FOCAD: variants seen among roughly 807,000 people sequenced by gnomAD.
The protein encoded by FOCAD is focadhesin.
A neutral mutation model predicts 225.6 loss-of-function variants in FOCAD; 198 were observed. The observed-to-expected ratio is 0.88, with a 90% CI of 0.78 to 0.99. The LOEUF (loss-of-function observed/expected upper bound fraction) is 0.99, where lower values mean the gene tolerates loss of function less well. Ranked by LOEUF, FOCAD falls within the 50% of genes least tolerant of loss-of-function variation. FOCAD has a pLI of 0.00. For missense variants in FOCAD, 2,713 were observed against 2,123.6 expected, an observed-to-expected ratio of 1.28 and a Z score of -5.46; for synonymous variants, 897 against 755.0, an observed-to-expected ratio of 1.19 and a Z score of -3.08.
chr9:20,818,243 T>A (rs1277405075), intron 11 of FOCAD, among the ~76,000 whole-genome samples: 1 of 152,146 alleles, frequency 6.6e-6, no homozygotes, highest in African/African-American at 2.4e-5. Context: ...AATTATTGGG[T>A]TTTAAGAGTT....
intron 15 of FOCAD, among the ~76,000 whole-genome samples, chr9:20,844,162 A>G (rs886182760): frequency 2.0e-5 from 3 of 152,098 alleles, no homozygotes; most frequent in South Asian, 2.1e-4. Flanking sequence ...AGCATTATTC[A>G]TAATGGCCCT....
At chr9:20,696,836 C>G (rs1823412019) in intron 1 of FOCAD, among the ~76,000 whole-genome samples, 1 of 151,752 alleles carries the variant, frequency 6.6e-6, no homozygotes, top group South Asian at 2.1e-4. Flanking sequence ...AATTAATTGC[C>G]ATCGTAACCG....
chr9:20,779,628 T>C (rs1225605084), intron 9 of FOCAD, among the ~76,000 whole-genome samples: 1 of 152,052 alleles, frequency 6.6e-6, no homozygotes, highest in African/African-American at 2.4e-5. Flanking sequence ...CGCATGCCTG[T>C]AATCCTAGCT....
intron 35 of FOCAD, among the ~76,000 whole-genome samples, chr9:20,972,359 T>G (rs183477334): frequency 6.6e-6 from 1 of 152,164 alleles, no homozygotes; most frequent in Admixed American, 6.5e-5. Context: ...GATATCTCAT[T>G]GTGGTTTTGA....
At chr9:20,924,627 T>A (rs1240717922) in intron 25 of FOCAD, among the ~76,000 whole-genome samples, 2 of 152,216 alleles carry the variant, frequency 1.3e-5, no homozygotes, top group Non-Finnish European at 2.9e-5. Flanking sequence ...TCTTATGGGC[T>A]ATCTGTATTC....
chr9:20,673,582 A>C (rs1431942334), intron 2 of FOCAD, among the ~76,000 whole-genome samples: 1 of 152,050 alleles, frequency 6.6e-6, no homozygotes, highest in Non-Finnish European at 1.5e-5. Flanking sequence ...TTTTTATTTA[A>C]TTATACTTAA....
At chr9:20,895,583 ATATT>A (rs534833733) in intron 21 of FOCAD, among the ~76,000 whole-genome samples, 6 of 151,774 alleles carry the variant, frequency 4.0e-5, no homozygotes, top group East Asian at 1.9e-4. Context: ...ATATATAGAT[ATATT>A]TATTTATGTA....
intron 21 of FOCAD, among the ~76,000 whole-genome samples, chr9:20,893,513 C>T (rs1831810204): frequency 6.6e-6 from 1 of 151,910 alleles, no homozygotes; most frequent in Non-Finnish European, 1.5e-5. Flanking sequence ...GTGAATAAGC[C>T]CTTATGTACT....
chr9:20,736,040 T>C (rs1200393010), intron 4 of FOCAD, among the ~76,000 whole-genome samples: 1 of 152,166 alleles, frequency 6.6e-6, no homozygotes, highest in African/African-American at 2.4e-5. Context: ...TTTACTCACT[T>C]TTTTGGGGGA....
At chr9:20,850,105 A>G (rs1185319118) in intron 15 of FOCAD, among the ~76,000 whole-genome samples, 2 of 151,674 alleles carry the variant, frequency 1.3e-5, no homozygotes, top group African/African-American at 4.8e-5. Flanking sequence ...CAATGATGCA[A>G]CTCAAAATTT....
At position 20,697,271 on chromosome 9, in the gene FOCAD, T is replaced by C. The variant is rs141959961; in HGVS notation, c.-33+12978T>C. On this transcript the variant is annotated intron_variant, in intron 1 of 43. Transcript: ENST00000338382. ...TAACTGGTCCGTCTCTTTTTCTTTT[T>C]TTCTATCCTTGCCCTCTTATGGTCT... Among the ~76,000 whole-genome samples the C allele has an allele frequency of 5.2e-3, 793 of 152,342 alleles. 4 individuals are homozygous for C. Among genetic ancestry groups the C allele is most frequent in the African/African-American group, 0.016 (647 of 41,572 alleles).
chr9:20,697,192 CT>C (rs1190791005), intron 1 of FOCAD, among the ~76,000 whole-genome samples: 1 of 152,226 alleles, frequency 6.6e-6, no homozygotes, highest in Non-Finnish European at 1.5e-5. Context: ...ATCTCTACTG[CT>C]GTTATCCTTG....
intron 11 of FOCAD, among the ~76,000 whole-genome samples, chr9:20,796,026 C>T (rs1461746719): frequency 6.7e-6 from 1 of 149,860 alleles, no homozygotes; most frequent in South Asian, 2.2e-4. Context: ...CATGTGTTCT[C>T]ATTGTTCAAT....
At chr9:20,925,429 T>C (rs967308120) in intron 25 of FOCAD, among the ~76,000 whole-genome samples, 2 of 152,166 alleles carry the variant, frequency 1.3e-5, no homozygotes, top group African/African-American at 2.4e-5. Flanking sequence ...CAACACACAT[T>C]GAGAAACCAC....
intron 33 of FOCAD, among the ~76,000 whole-genome samples, chr9:20,950,019 A>G (rs568600173): frequency 3.2e-4 from 48 of 152,280 alleles, no homozygotes; most frequent in Middle Eastern, 6.8e-3. Context: ...AGAAAGGTCA[A>G]GAGGCACTAA....
chr9:20,984,320 T>TA (rs1330643304), intron 39 of FOCAD, among the ~76,000 whole-genome samples: 1 of 152,150 alleles, frequency 6.6e-6, no homozygotes, highest in African/African-American at 2.4e-5. Flanking sequence ...TGAGAATGAG[T>TA]AAATACAGCA....
chr9:20,944,841 G>T lies in FOCAD; in HGVS notation c.3555+67G>T, dbSNP rs185058900. On this transcript the variant is annotated intron_variant, in intron 29 of 43. Transcript: ENST00000338382. ...TTGTTTTCTTCTTGCCACTTATTTT[G>T]GACTTACCATATTTTGGTAACCCTA... 8.1e-6 allele frequency: 12 copies of T among 1,474,402 alleles called. No individual in the cohort carries two copies. In the African/African-American group the frequency reaches 1.6e-4, roughly 19 times the overall value. 91.3% of individuals were successfully genotyped at this position (1,474,402 alleles called of 1,614,324 possible).
intron 26 of FOCAD, chr9:20,928,025 C>T (rs1426156494): frequency 1.3e-5 from 2 of 151,206 alleles, no homozygotes; most frequent in African/African-American, 2.4e-5. Flanking sequence ...GTTAATTGCT[C>T]TATGATGATT....
intron 35 of FOCAD, among the ~76,000 whole-genome samples, chr9:20,969,186 C>G (rs1332125592): frequency 6.6e-6 from 1 of 152,070 alleles, no homozygotes; most frequent in Non-Finnish European, 1.5e-5. Context: ...TGTGGTCTGA[C>G]ATGTGGTAAG....
Sources: allele counts gnomAD v4.1 joint callset (sites outside exome capture counted in the v4.1 genomes callset), GRCh38; gene constraint gnomAD v4.1.1; transcripts MANE v1.5; gene names NCBI Gene and HGNC (gene_info 2026-07-23, HGNC 2026-07-21).